Variants in MYLK observed in about 807,000 individuals in gnomAD.
The protein encoded by MYLK is myosin light chain kinase.
MYLK carries 106 observed loss-of-function variants against 203.4 expected under a neutral mutation model. That is an observed-to-expected ratio of 0.52 (90% CI 0.45 to 0.61). MYLK has a LOEUF of 0.61. Ranked by LOEUF, MYLK falls within the 20% of genes least tolerant of loss-of-function variation. The probability of loss-of-function intolerance (pLI) is 0.00; values close to 1 mark genes in which losing one functional copy is unlikely to be tolerated. For missense variants in MYLK, 2,072 were observed against 2,442.3 expected (o/e 0.85, Z 3.20); for synonymous variants, 867 against 959.5 (o/e 0.90, Z 1.78).
At position 123,648,945 on chromosome 3, in the gene MYLK, C is replaced by T; in HGVS notation, c.4415+26G>A. 1 of 1,606,768 alleles carries T rather than the reference C, an allele frequency of 6.2e-7. No individual in the cohort carries two copies. Among genetic ancestry groups the T allele is most frequent in the Non-Finnish European group, 8.5e-7 (1 of 1,173,514 alleles). ...CCGCACCACCCTCACCCTGGGAGCC[C>T]AGAGGCAACTTCCCACTCCACTTAC... On this transcript the variant is annotated intron_variant, in intron 26 of 33. Coordinates refer to ENST00000360304, the MANE Select transcript of MYLK (RefSeq NM_053025.4). The surrounding 1 kb of genome is among the most constrained non-coding windows in gnomAD (Gnocchi z 4.5).
At chr3:123,815,466 A>G (rs1416833847) in intron 3 of MYLK, among the ~76,000 whole-genome samples, 10 of 152,212 alleles carry the variant, frequency 6.6e-5, no homozygotes, top group Admixed American at 5.9e-4. Flanking sequence ...AACGATTGCT[A>G]TCAAGCAAAA....
At chr3:123,733,525 T>C (rs1174147725) in intron 10 of MYLK, among the ~76,000 whole-genome samples, 162 bp downstream of exon 10, 1 of 152,110 alleles carries the variant, frequency 6.6e-6, no homozygotes, top group African/African-American at 2.4e-5. Flanking sequence ...CTACAATGAG[T>C]CACTCCTAAG....
intron 2 of MYLK, among the ~76,000 whole-genome samples, chr3:123,856,543 A>G (rs899675108): frequency 2.0e-5 from 3 of 152,168 alleles, no homozygotes; most frequent in Non-Finnish European, 4.4e-5. Context: ...TTTAATGGGG[A>G]CCTTCTTTAT....
At chr3:123,674,467 G>C (rs1057382516) in intron 20 of MYLK, among the ~76,000 whole-genome samples, 1 of 152,164 alleles carries the variant, frequency 6.6e-6, no homozygotes, top group Non-Finnish European at 1.5e-5. Context: ...CATCTTACGA[G>C]GTCTTTGAGC....
intron 13 of MYLK, among the ~76,000 whole-genome samples, chr3:123,712,189 T>C (rs1275683321): frequency 1.3e-5 from 2 of 152,188 alleles, no homozygotes; most frequent in African/African-American, 4.8e-5. Flanking sequence ...TGGCAGAAGC[T>C]CTGGGAGTGG....
Position 123,629,271 on chromosome 3 carries a change from G to C in MYLK, c.5114+203C>G, listed in dbSNP as rs567869932. ...AGGTGAATCCCATGTCTAGCTCCAG[G>C]GGGCAGGGCCTAGGAAGTCGCCTCC... On this transcript the variant is annotated intron_variant, in intron 30 of 33. Coordinates refer to ENST00000360304, the MANE Select transcript of MYLK (RefSeq NM_053025.4). The surrounding 1 kb of genome is among the most constrained non-coding windows in gnomAD (Gnocchi z 4.4). 8.5e-5 allele frequency among the ~76,000 whole-genome samples: 13 copies of C among 152,256 alleles called. No individual in the cohort carries two copies. In the South Asian group the frequency reaches 2.7e-3, roughly 32 times the overall value.
intron 5 of MYLK, among the ~76,000 whole-genome samples, chr3:123,751,776 G>T (rs2108877144): frequency 6.6e-6 from 1 of 152,266 alleles, no homozygotes. Flanking sequence ...TGAGAAGATG[G>T]AGAGTCATAG....
chr3:123,688,313 A>G (rs2060536071), intron 19 of MYLK, among the ~76,000 whole-genome samples: 3 of 152,010 alleles, frequency 2.0e-5, no homozygotes, highest in Admixed American at 6.6e-5. Flanking sequence ...TAAACTTCAC[A>G]TGCACTAAAC....
At chr3:123,820,007 T>A (rs2065871086) in intron 3 of MYLK, among the ~76,000 whole-genome samples, 2 of 152,128 alleles carry the variant, frequency 1.3e-5, no homozygotes, top group Non-Finnish European at 2.9e-5. Flanking sequence ...TCTAACTTCA[T>A]TCAATTTGTT....
intron 4 of MYLK, among the ~76,000 whole-genome samples, chr3:123,791,558 C>G (rs563239128): frequency 3.9e-5 from 6 of 152,348 alleles, no homozygotes; most frequent in Admixed American, 1.3e-4. Context: ...CTTTCGACGT[C>G]TCTCTGGAAT....
intron 30 of MYLK, among the ~76,000 whole-genome samples, chr3:123,628,763 C>T (rs1199619937): frequency 6.6e-6 from 1 of 152,176 alleles, no homozygotes. Context: ...CTACTGAAAC[C>T]CAGAGGGCTT....
rs1479729324 is a variant in MYLK at position 123,642,576 on chromosome 3, A to G, written c.4620-2072T>C. ...ACTCATACTTTAAAACCCATCTGAG[A>G]AGAAGGTCCCCAAATGGCCTGCAGG... is the stretch of plus-strand genomic sequence containing the variant. On this transcript the variant is annotated intron_variant, in intron 27 of 33. Coordinates refer to ENST00000360304, the MANE Select transcript of MYLK (RefSeq NM_053025.4). The surrounding 1 kb of genome is among the most constrained non-coding windows in gnomAD (Gnocchi z 4.2). Among the ~76,000 whole-genome samples the G allele has an allele frequency of 3.3e-5, 5 of 152,126 alleles. No homozygotes were observed. Among genetic ancestry groups the G allele is most frequent in the Non-Finnish European group, 1.5e-5 (1 of 68,004 alleles).
At chr3:123,734,583 T>C (rs1016248884) in intron 9 of MYLK, 1 of 187,892 alleles carries the variant, frequency 5.3e-6, no homozygotes, top group African/African-American at 2.3e-5. Context: ...TTTAAAAACA[T>C]TAATCAAATT....
chr3:123,644,128 G>A (rs1348832219), intron 27 of MYLK, among the ~76,000 whole-genome samples: 1 of 152,140 alleles, frequency 6.6e-6, no homozygotes, highest in Non-Finnish European at 1.5e-5. Flanking sequence ...CTTAAGGCAG[G>A]GACCCTGGAA....
chr3:123,659,661 G>A (rs1215116111), intron 23 of MYLK: 10 of 517,850 alleles, frequency 1.9e-5, no homozygotes, highest in Admixed American at 1.4e-4. Context: ...CCATGCAGTG[G>A]CTGAACTAGT....
chr3:123,830,870 C>A (rs2066301587), intron 3 of MYLK, among the ~76,000 whole-genome samples: 2 of 152,180 alleles, frequency 1.3e-5, no homozygotes, highest in Non-Finnish European at 1.5e-5. Context: ...CAAACGATCA[C>A]CCACATTTTG....
chr3:123,876,538 C>T (rs1327231889), intron 2 of MYLK, 21 bp downstream of exon 2: 1 of 152,030 alleles, frequency 6.6e-6, no homozygotes, highest in East Asian at 1.9e-4. Context: ...TATAAGAATC[C>T]ATCTTTTATC....
At chr3:123,682,530 G>A (rs1013850864) in intron 19 of MYLK, among the ~76,000 whole-genome samples, 7 of 152,222 alleles carry the variant, frequency 4.6e-5, no homozygotes, top group African/African-American at 1.7e-4. Flanking sequence ...TTAATCCAGT[G>A]GGGACAGCAC....
At chr3:123,797,438 G>A (rs979614276) in intron 3 of MYLK, among the ~76,000 whole-genome samples, 1 of 152,104 alleles carries the variant, frequency 6.6e-6, no homozygotes, top group Non-Finnish European at 1.5e-5. Flanking sequence ...TGTTTGTGTG[G>A]CGACCGTAGA....
Sources: allele counts gnomAD v4.1 joint callset (sites outside exome capture counted in the v4.1 genomes callset), GRCh38; gene constraint gnomAD v4.1.1; non-coding constraint Gnocchi (gnomAD v3.1); transcripts MANE v1.5; gene names NCBI Gene and HGNC (gene_info 2026-07-23, HGNC 2026-07-21).